The following PREX2 variants were observed in gnomAD, a reference collection of about 807,000 sequenced individuals.
The protein encoded by PREX2 is phosphatidylinositol 3,4,5-trisphosphate-dependent Rac exchanger 2 protein.
Under a neutral mutation model 203.2 loss-of-function variants are expected in PREX2, and 107 were observed. The observed-to-expected ratio is 0.53, with a 90% CI of 0.45 to 0.62. The LOEUF (loss-of-function observed/expected upper bound fraction) is 0.62. Ranked by LOEUF, PREX2 falls within the 20% of genes least tolerant of loss-of-function variation. PREX2 has a pLI of 0.00. For missense variants in PREX2, 1,777 were observed against 1,955.9 expected (o/e 0.91, Z 1.72); for synonymous variants, 672 against 663.6 (o/e 1.01, Z -0.19).
intron 6 of PREX2, among the ~76,000 whole-genome samples, chr8:68,035,546 T>C (rs573581576): frequency 6.6e-6 from 1 of 152,254 alleles, no homozygotes; most frequent in South Asian, 2.1e-4. Context: ...ATGCACAGAT[T>C]TAAATCATGG....
chr8:68,127,660 A>G (rs1289139544), intron 31 of PREX2, among the ~76,000 whole-genome samples: 2 of 151,786 alleles, frequency 1.3e-5, no homozygotes, highest in African/African-American at 4.8e-5. Context: ...AAGCAAAACC[A>G]TGAAAACATA....
At chr8:67,981,283 A>C (rs376350472) in intron 1 of PREX2, among the ~76,000 whole-genome samples, 3 of 152,184 alleles carry the variant, frequency 2.0e-5, no homozygotes, top group Non-Finnish European at 2.9e-5. Context: ...CACTCTGTCA[A>C]GGGATTGCAA....
At chr8:68,038,128 G>A (rs1252251790) in intron 6 of PREX2, 31 bp from the exon 7 acceptor site, 2 of 1,599,858 alleles carry the variant, frequency 1.3e-6, no homozygotes, top group East Asian at 2.2e-5. Flanking sequence ...AACCAAGTAA[G>A]CAGACATTAA....
At chr8:68,060,816 T>A (rs1377994056) in intron 11 of PREX2, 37 bp downstream of exon 11, 1 of 1,295,682 alleles carries the variant, frequency 7.7e-7, no homozygotes, top group African/African-American at 1.5e-5. Flanking sequence ...TTTAATGCAT[T>A]TATTGGCCAT....
chr8:68,212,721 A>G (rs1003832059), intron 37 of PREX2, among the ~76,000 whole-genome samples: 3 of 152,214 alleles, frequency 2.0e-5, no homozygotes, highest in African/African-American at 7.2e-5. Flanking sequence ...TAGAGAGAAT[A>G]GAACAATTAT....
At chr8:68,052,479 T>A (rs1438759898) in intron 8 of PREX2, among the ~76,000 whole-genome samples, 1 of 152,338 alleles carries the variant, frequency 6.6e-6, no homozygotes, top group Non-Finnish European at 1.5e-5. Context: ...AAAATTTTTT[T>A]ATAAGTTTCT....
intron 10 of PREX2, among the ~76,000 whole-genome samples, chr8:68,058,396 G>A (rs1395663532): frequency 6.6e-6 from 1 of 151,514 alleles, no homozygotes; most frequent in Non-Finnish European, 1.5e-5. Flanking sequence ...CCTGACATCT[G>A]TCATCTCATT....
intron 3 of PREX2, among the ~76,000 whole-genome samples, chr8:68,021,646 G>T (rs1257356999): frequency 6.6e-6 from 1 of 152,184 alleles, no homozygotes; most frequent in Non-Finnish European, 1.5e-5. Context: ...ACCTTGCTCA[G>T]ATTGATTGAT....
intron 33 of PREX2, among the ~76,000 whole-genome samples, chr8:68,144,193 A>G (rs973446204): frequency 6.6e-6 from 1 of 152,108 alleles, no homozygotes; most frequent in Admixed American, 6.6e-5. Context: ...CTTTTCATAT[A>G]AACTTTAGAA....
rs934562396 is a variant in PREX2 at position 68,125,109 on chromosome 8, G to A, written c.3725-2269G>A. On this transcript the variant is annotated intron_variant, in intron 30 of 39. Transcript: ENST00000288368. ...TTCCTGGTAATCTGTGTGATGTCCG[G>A]TCCTGTTAGGAGTTAAAAAAGCATT... Among the ~76,000 whole-genome samples, 4 of 152,066 alleles carry A rather than the reference G, an allele frequency of 2.6e-5. No homozygotes were observed. In the South Asian group the frequency reaches 8.3e-4, roughly 32 times the overall value.
At chr8:67,987,300 G>T (rs1166053564) in intron 1 of PREX2, among the ~76,000 whole-genome samples, 1 of 151,744 alleles carries the variant, frequency 6.6e-6, no homozygotes, top group African/African-American at 2.4e-5. Context: ...CAAGGTATTT[G>T]GCTATCAACG....
intron 10 of PREX2, among the ~76,000 whole-genome samples, chr8:68,058,606 T>TA (rs397962703): frequency 1.3e-5 from 2 of 151,868 alleles, no homozygotes; most frequent in Non-Finnish European, 1.5e-5. Context: ...GCTGATTTTT[T>TA]AAATTTTTAG....
intron 34 of PREX2, among the ~76,000 whole-genome samples, chr8:68,151,997 A>C (rs1811444043): frequency 6.6e-6 from 1 of 152,046 alleles, no homozygotes. Context: ...GCTCTTTAAA[A>C]GATAAATCTT....
intron 17 of PREX2, among the ~76,000 whole-genome samples, chr8:68,081,308 C>A (rs1469393643): frequency 6.6e-6 from 1 of 152,140 alleles, no homozygotes; most frequent in Non-Finnish European, 1.5e-5. Flanking sequence ...AGGTGGAGCT[C>A]AGGGTTTGTG....
At chr8:68,087,642 A>T in intron 18 of PREX2, 82 bp from the exon 19 acceptor site, 1 of 955,050 alleles carries the variant, frequency 1.0e-6, no homozygotes, top group Non-Finnish European at 1.7e-6. Context: ...ATTTATTGAG[A>T]GGTGTAAAGC....
chr8:67,980,701 C>A (rs1806241909), intron 1 of PREX2, among the ~76,000 whole-genome samples: 1 of 152,166 alleles, frequency 6.6e-6, no homozygotes, highest in Non-Finnish European at 1.5e-5. Context: ...CCATACTGTT[C>A]TCATGATAGT....
At chr8:68,159,599 T>C (rs1811612636) in intron 35 of PREX2, among the ~76,000 whole-genome samples, 2 of 152,188 alleles carry the variant, frequency 1.3e-5, no homozygotes, top group African/African-American at 2.4e-5. Flanking sequence ...TTAGTTACCA[T>C]GAGGACAGAA....
In PREX2 at chr8:68,069,854, G is replaced by A. The variant is rs376775544; in HGVS notation, c.1463G>A (p.Arg488His). ...ACGTAGGGTGTAAGATTATATTGTC[G>A]TCTTCATAGCCTTTTTACTCCAGTG... ...VISKGVRLYC[R>H]LHSLFTPVIR... Residue 488 changes from arginine to histidine, a missense_variant, in exon 13 of 40, where the codon CGT (arginine) becomes CAT (histidine). Physicochemically the swap from Arg to His is conservative, Grantham distance 29. Transcript: ENST00000288368. 31 of 1,552,002 alleles carry A rather than the reference G, an allele frequency of 2.0e-5. No individual in the cohort carries two copies. The highest frequency in any genetic ancestry group is 4.6e-5 in the East Asian group (2 of 43,592).
chr8:67,988,544 T>G (rs1254808267), intron 1 of PREX2, among the ~76,000 whole-genome samples: 1 of 152,194 alleles, frequency 6.6e-6, no homozygotes, highest in East Asian at 1.9e-4. Context: ...CAGGTCTACC[T>G]GACTCTTCTC....
Sources: gnomAD v4.1 joint callset for allele counts (sites outside exome capture counted in the v4.1 genomes callset) on GRCh38, gnomAD v4.1.1 for gene constraint, MANE v1.5 for transcripts, NCBI Gene and HGNC (gene_info 2026-07-23, HGNC 2026-07-21) for gene names.